The following TRHR variants were observed in gnomAD, a reference collection of about 807,000 sequenced individuals.
TRHR encodes thyrotropin releasing hormone receptor, also known as thyrotropin-releasing hormone receptor.
A neutral mutation model predicts 28.0 loss-of-function variants in TRHR; 14 were observed. The ratio of observed to expected loss-of-function variants is 0.50; its 90% CI spans 0.33 to 0.78. The LOEUF (loss-of-function observed/expected upper bound fraction) is 0.78, where lower values mean the gene tolerates loss of function less well. Among genes scored for constraint, TRHR ranks in the 30% least tolerant of loss-of-function variants. The pLI is 0.02. For synonymous variants in TRHR, 176 were observed against 171.9 expected, an observed-to-expected ratio of 1.02 and a Z score of -0.18; for missense variants, 438 against 469.5, an observed-to-expected ratio of 0.93 and a Z score of 0.62.
chr8:109,117,739 A>C (rs756289106), intron 2 of TRHR, among the ~76,000 whole-genome samples: 1 of 151,904 alleles, frequency 6.6e-6, no homozygotes, highest in Non-Finnish European at 1.5e-5. Flanking sequence ...ATTTACTTAT[A>C]TATATTTTTT....
chr8:109,093,856 T>TAATAAAAAAAAAAAAAAAA (rs1811550035), intron 2 of TRHR, among the ~76,000 whole-genome samples: 1 of 140,836 alleles, frequency 7.1e-6, no homozygotes. Flanking sequence ...CCAACTCATT[T>TAATAAAAAAAAAAAAAAAA]AAAAAAAAAA....
At chr8:109,089,550 C>T (rs1292284286) in intron 2 of TRHR, among the ~76,000 whole-genome samples, 1 of 151,962 alleles carries the variant, frequency 6.6e-6, no homozygotes, top group Admixed American at 6.5e-5. Flanking sequence ...TTAAATGGTG[C>T]TGTAATACTT....
In TRHR at chr8:109,106,676, A is replaced by G. The variant is rs79350824; in HGVS notation, c.790-12372A>G. ...TAATACATATCCTGCCCTTTTATATACCAGGAAAGAAACCAGACACAATAT... is the reference window on the plus strand; with the variant it reads ...TAATACATATCCTGCCCTTTTATATGCCAGGAAAGAAACCAGACACAATAT... On this transcript the variant is annotated intron_variant, in intron 2 of 2. Coordinates refer to ENST00000518632, the MANE Select transcript of TRHR (RefSeq NM_003301.7). Among the ~76,000 whole-genome samples, 292 of 152,288 alleles carry G rather than the reference A, an allele frequency of 1.9e-3. 1 individual carries two copies. The highest frequency in any genetic ancestry group is 6.8e-3 in the African/African-American group (282 of 41,572).
At chr8:109,109,446 A>T (rs1018519876) in intron 2 of TRHR, among the ~76,000 whole-genome samples, 1 of 152,100 alleles carries the variant, frequency 6.6e-6, no homozygotes, top group Non-Finnish European at 1.5e-5. Context: ...GTATAATAAA[A>T]AAAAAAAAGT....
Position 109,091,595 on chromosome 8 carries a change from A to G in TRHR, c.789+3294A>G, listed in dbSNP as rs915899893. 2.4e-4 allele frequency among the ~76,000 whole-genome samples: 37 copies of G among 152,218 alleles called. 1 individual carries two copies. Among genetic ancestry groups the G allele is most frequent in the Admixed American group, 1.4e-3 (22 of 15,284 alleles). On this transcript the variant is annotated intron_variant, in intron 2 of 2. Coordinates refer to ENST00000518632, the MANE Select transcript of TRHR (RefSeq NM_003301.7). ...AATTCAAATGTGCATAGCCTAAAAG[A>G]GAAACATTTAAAAAGGAAGTAAAAG...
intron 2 of TRHR, among the ~76,000 whole-genome samples, chr8:109,093,097 G>A (rs1208031484): frequency 6.6e-6 from 1 of 152,070 alleles, no homozygotes; most frequent in Non-Finnish European, 1.5e-5. Context: ...CTGAGCCTCA[G>A]TTTTCTCATC....
In TRHR at chr8:109,120,937, T is replaced by A. The variant is rs1811999297; in HGVS notation, c.*1482T>A. 6.6e-6 allele frequency among the ~76,000 whole-genome samples: 1 copy of A among 151,612 alleles called. No homozygotes were observed. The highest frequency in any genetic ancestry group is 2.4e-5 in the African/African-American group (1 of 41,346). On this transcript the variant is annotated 3_prime_UTR_variant, in exon 3 of 3. Transcript: ENST00000518632. ...TTTCCCTCTCCAGCCTATATCCCTA[T>A]TTTATGGACTTTTCTAGAACCTAAT...
intron 2 of TRHR, among the ~76,000 whole-genome samples, chr8:109,097,411 T>C (rs1396745662): frequency 6.6e-6 from 1 of 152,216 alleles, no homozygotes; most frequent in Non-Finnish European, 1.5e-5. Context: ...TTTTCTGTCT[T>C]TGTTCATCCG....
Position 109,088,207 on chromosome 8 carries a change from A to G in TRHR, c.695A>G (p.Lys232Arg). The change falls in exon 2 of 3, where the codon AAG becomes AGG. Residue 232 changes from lysine to arginine, a missense_variant. Lys to Arg is a conservative substitution (Grantham distance 26, BLOSUM62 2). Transcript: ENST00000518632. ...PIPSDPKENSKTWKNDSTHQN... is the reference protein window; with the variant it reads ...PIPSDPKENSRTWKNDSTHQN... ...CCTTCAGATCCTAAAGAAAACTCTA[A>G]GACATGGAAAAATGATTCAACCCAT... 1 of 1,614,172 alleles carries G rather than the reference A, an allele frequency of 6.2e-7. No individual in the cohort carries two copies. Among genetic ancestry groups the G allele is most frequent in the Non-Finnish European group, 8.5e-7 (1 of 1,180,024 alleles).
At chr8:109,118,623 C>G (rs934817360) in intron 2 of TRHR, among the ~76,000 whole-genome samples, 3 of 151,840 alleles carry the variant, frequency 2.0e-5, no homozygotes, top group Non-Finnish European at 4.4e-5. Flanking sequence ...CCATTTGTCT[C>G]TCCTCTTCTT....
intron 2 of TRHR, among the ~76,000 whole-genome samples, chr8:109,102,385 A>G (rs1811690767): frequency 6.6e-6 from 1 of 152,130 alleles, no homozygotes. Flanking sequence ...AAGGAATAGG[A>G]TAGGGCTCAT....
intron 2 of TRHR, among the ~76,000 whole-genome samples, chr8:109,100,121 G>A (rs967290114): frequency 7.2e-5 from 11 of 152,250 alleles, no homozygotes; most frequent in Admixed American, 1.3e-4. Flanking sequence ...ATAGGAGTTC[G>A]GCTTTGTGAC....
chr8:109,091,697 A>G (rs1355844740), intron 2 of TRHR, among the ~76,000 whole-genome samples: 2 of 152,226 alleles, frequency 1.3e-5, no homozygotes, highest in Non-Finnish European at 2.9e-5. Context: ...CAGAAAATCC[A>G]GGCCAAAATC....
intron 2 of TRHR, among the ~76,000 whole-genome samples, chr8:109,093,182 T>A (rs1183590460): frequency 6.6e-6 from 1 of 151,982 alleles, no homozygotes; most frequent in African/African-American, 2.4e-5. Context: ...AAAATTCAGA[T>A]CTGCTTTCCT....
At chr8:109,099,474 G>A (rs1477214566) in intron 2 of TRHR, among the ~76,000 whole-genome samples, 1 of 152,198 alleles carries the variant, frequency 6.6e-6, no homozygotes, top group Non-Finnish European at 1.5e-5. Context: ...GGAGCAAGGG[G>A]AGACGCAGTT....
chr8:109,108,446 G>T (rs765613647), intron 2 of TRHR, among the ~76,000 whole-genome samples: 1 of 152,156 alleles, frequency 6.6e-6, no homozygotes, highest in Non-Finnish European at 1.5e-5. Flanking sequence ...CCCTGGGAAA[G>T]ATCAATGTCT....
chr8:109,104,859 C>G (rs893104676), intron 2 of TRHR, among the ~76,000 whole-genome samples: 1 of 152,060 alleles, frequency 6.6e-6, no homozygotes, highest in East Asian at 1.9e-4. Context: ...GGGGCTCATA[C>G]CTGTAATCTC....
At chr8:109,113,377 A>G (rs11778370) in intron 2 of TRHR, among the ~76,000 whole-genome samples, 86,789 of 151,886 alleles carry the variant, frequency 0.57, 26,459 homozygotes, top group African/African-American at 0.79. Context: ...TGAGAAAAAC[A>G]TCAGCTAACC....
At chr8:109,094,226 C>A (rs977436506) in intron 2 of TRHR, among the ~76,000 whole-genome samples, 1 of 140,722 alleles carries the variant, frequency 7.1e-6, no homozygotes, top group Non-Finnish European at 1.5e-5. Context: ...AGGCTACAGG[C>A]TCATCTTTCA....
Sources: gnomAD v4.1 joint callset for allele counts (sites outside exome capture counted in the v4.1 genomes callset) on GRCh38, gnomAD v4.1.1 for gene constraint, MANE v1.5 for transcripts, NCBI Gene and HGNC (gene_info 2026-07-23, HGNC 2026-07-21) for gene names.